Variants in TSC2 observed in about 807,000 individuals in gnomAD.
The protein encoded by TSC2 is tuberin.
Under a neutral mutation model 202.2 loss-of-function variants are expected in TSC2, and 29 were observed. The ratio of observed to expected loss-of-function variants is 0.14; its 90% CI spans 0.11 to 0.20. The LOEUF is 0.20. TSC2 is among the 10% of genes least tolerant of loss of function. The pLI is 1.00. For missense variants in TSC2, 2,429 were observed against 2,420.0 expected, an observed-to-expected ratio of 1.00 and a Z score of -0.08; for synonymous variants, 1,349 against 1,044.0, an observed-to-expected ratio of 1.29 and a Z score of -5.63.
At chr16:2,087,831 T>C (rs1274364431) in intron 38 of TSC2, 32 bp from the exon 39 acceptor site, 23 of 1,610,696 alleles carry the variant, frequency 1.4e-5, no homozygotes, top group Non-Finnish European at 1.8e-5. Context: ...ACACGCTGTG[T>C]GCGGGGATGA....
At chr16:2,063,169 C>T (rs1170676573) in intron 14 of TSC2, 116 bp downstream of exon 14, 12 of 1,265,540 alleles carry the variant, frequency 9.5e-6, no homozygotes, top group African/African-American at 1.5e-5. Flanking sequence ...TCGGTCCTGC[C>T]GGACCCTCTG....
intron 5 of TSC2, chr16:2,054,941 G>A (rs925248757): frequency 3.0e-6 from 1 of 330,490 alleles, no homozygotes; most frequent in African/African-American, 2.1e-5. Context: ...CCAGAAAAGG[G>A]CCTCAGTGGC....
intron 25 of TSC2, 25 bp from the exon 26 acceptor site, chr16:2,077,573 T>C (rs766532366): frequency 6.2e-7 from 1 of 1,612,320 alleles, no homozygotes; most frequent in Non-Finnish European, 8.5e-7. Flanking sequence ...CTCTGGGGCG[T>C]TGGGGCTCCT....
chr16:2,077,642 C>T lies in TSC2; in HGVS notation c.2882C>T (p.Pro961Leu), dbSNP rs370415754. The T allele has an allele frequency of 3.1e-6, 5 of 1,613,022 alleles. No individual in the cohort carries two copies. Among genetic ancestry groups the T allele is most frequent in the Non-Finnish European group, 4.2e-6 (5 of 1,180,028 alleles). The change falls in exon 26 of 42, where the codon CCA becomes CTA. Residue 961 changes from proline to leucine, a missense_variant. Transcript: ENST00000219476. ...CCCAAACAAGGCTTGAATAACTCTC[C>T]ACCCGTGAAAGAATTCAAGGAGAGC... ...RPPKQGLNNS[P>L]PVKEFKESSA...
At chr16:2,048,528 G>C in intron 1 of TSC2, 59 bp from the exon 2 acceptor site, 1 of 1,606,564 alleles carries the variant, frequency 6.2e-7, no homozygotes, top group African/African-American at 1.3e-5. Flanking sequence ...GAGGTCCGCA[G>C]TGGGGAAGGT....
chr16:2,087,099 AG>A, intron 38 of TSC2: 1 of 648,024 alleles, frequency 1.5e-6, no homozygotes, highest in Non-Finnish European at 2.6e-6. Context: ...GTAACTGGCA[AG>A]TGCAGACTGG....
At chr16:2,065,787 C>T in intron 16 of TSC2, 152 bp downstream of exon 16, 1 of 707,032 alleles carries the variant, frequency 1.4e-6, no homozygotes, top group Non-Finnish European at 2.5e-6. Context: ...GCAGCAGAAC[C>T]TTCCTCCTGC....
chr16:2,083,089 C>T (rs1395472396), intron 32 of TSC2: 5 of 454,896 alleles, frequency 1.1e-5, no homozygotes, highest in Admixed American at 4.7e-5. Context: ...TGGCTGACTG[C>T]GCGTGTGCAG....
At chr16:2,074,506 G>C (rs1442649148) in intron 22 of TSC2, 117 bp downstream of exon 22, 8 of 1,307,402 alleles carry the variant, frequency 6.1e-6, no homozygotes, top group Middle Eastern at 2.5e-4. Context: ...CTCGCCTTCT[G>C]CTGCCTCAGG....
At chr16:2,050,768 T>A (rs1335445868) in intron 3 of TSC2, among the ~76,000 whole-genome samples, 1 of 151,960 alleles carries the variant, frequency 6.6e-6, no homozygotes, top group African/African-American at 2.4e-5. Flanking sequence ...TTTGTATTTT[T>A]AGTAGAGACG....
intron 25 of TSC2, 145 bp downstream of exon 25, chr16:2,076,730 G>A: frequency 4.8e-6 from 4 of 839,556 alleles, no homozygotes; most frequent in Non-Finnish European, 7.5e-6. Flanking sequence ...GGACCTGCAA[G>A]GGCCGCTAAC....
At chr16:2,055,629 A>G in intron 6 of TSC2, 110 bp downstream of exon 6, 1 of 1,069,268 alleles carries the variant, frequency 9.4e-7, no homozygotes, top group Admixed American at 1.7e-5. Context: ...ACAATGGCTC[A>G]CGCCTGTAAT....
At position 2,088,609 on chromosome 16, in the gene TSC2, G is replaced by A. The variant is rs762120606; in HGVS notation, c.5423G>A (p.Ter1808=). 6.2e-6 allele frequency: 10 copies of A among 1,602,266 alleles called. No individual in the cohort carries two copies. Among genetic ancestry groups the A allele is most frequent in the Non-Finnish European group, 8.5e-6 (10 of 1,179,466 alleles). The change falls in exon 42 of 42, where the codon TGA becomes TAA. Residue 1808 remains the stop codon, a stop_retained_variant. Coordinates refer to ENST00000219476, the MANE Select transcript of TSC2 (RefSeq NM_000548.5). ...SSVEDFTEFV[*] ...GTGGAGGACTTCACCGAGTTTGTGT[G>A]AGGCCGGGGCCCTCCCTCCTGCACT...
Position 2,089,341 on chromosome 16 carries a change from A to T in TSC2, c.*731A>T. On this transcript the variant is annotated 3_prime_UTR_variant, in exon 42 of 42. Coordinates refer to ENST00000219476, the MANE Select transcript of TSC2 (RefSeq NM_000548.5). ...TACGGTAGGAACTGGAGAGGTAATAACTTAGGGGCAGGGTGGCGGCGGTGC... is the reference window on the plus strand; with the variant it reads ...TACGGTAGGAACTGGAGAGGTAATATCTTAGGGGCAGGGTGGCGGCGGTGC... 3.1e-6 allele frequency: 1 copy of T among 327,856 alleles called. No homozygotes were observed. Among genetic ancestry groups the T allele is most frequent in the East Asian group, 6.2e-5 (1 of 16,230 alleles). The allele number at this position is 327,856 out of a possible 1,614,324, so 20.3% of individuals were successfully genotyped here.
At chr16:2,067,826 G>A (rs550313210) in intron 16 of TSC2, among the ~76,000 whole-genome samples, 1 of 152,306 alleles carries the variant, frequency 6.6e-6, no homozygotes, top group Admixed American at 6.5e-5. Flanking sequence ...ATCCACATGA[G>A]CACCATGCTC....
Position 2,084,393 on chromosome 16 carries a change from C to T in TSC2, c.4171C>T (p.Leu1391=), listed in dbSNP as rs1483287924. ...PLSKSSSSPE[L]QTLQDILGDP... ...GAGCAAGTCCAGCTCCTCTCCCGAG[C>T]TGCAGACTCTGCAGGACATCCTCGG... The change falls in exon 34 of 42, where the codon CTG becomes TTG. Residue 1391 remains leucine (L), a synonymous_variant. Transcript: ENST00000219476. 6.2e-7 allele frequency: 1 copy of T among 1,612,182 alleles called. No homozygotes were observed. Among genetic ancestry groups the T allele is most frequent in the African/African-American group, 1.3e-5 (1 of 75,052 alleles).
rs902572213 is a variant in TSC2, at chr16:2,088,761, G to T, written c.*151G>T. 46 of 1,112,990 alleles carry T rather than the reference G, an allele frequency of 4.1e-5. No homozygotes were observed. The South Asian group carries it at 7.2e-4, about 17-fold the overall frequency. 68.9% of individuals were successfully genotyped at this position (1,112,990 alleles called of 1,614,324 possible). A position where few individuals can be genotyped will look rare whatever the true frequency, so the allele number is the denominator to read the frequency against. ...TTGTCTGCTTGGTGCGGGGGTTGGGGGGGTGTCGAGGCTCTAGAAGCGGCC... is the reference window on the plus strand; with the variant it reads ...TTGTCTGCTTGGTGCGGGGGTTGGGTGGGTGTCGAGGCTCTAGAAGCGGCC... On this transcript the variant is annotated 3_prime_UTR_variant, in exon 42 of 42. Coordinates refer to ENST00000219476, the MANE Select transcript of TSC2 (RefSeq NM_000548.5).
chr16:2,062,709 C>T, intron 13 of TSC2, 109 bp downstream of exon 13: 1 of 1,232,110 alleles, frequency 8.1e-7, no homozygotes, highest in Non-Finnish European at 1.2e-6. Context: ...GCCCTCCCCT[C>T]TGCCTCTGGA....
chr16:2,060,933 T>G, intron 11 of TSC2, 120 bp downstream of exon 11: 4 of 1,278,328 alleles, frequency 3.1e-6, no homozygotes, highest in Non-Finnish European at 4.4e-6. Flanking sequence ...GCCAGAACCG[T>G]GTTCTCTGGT....
Sources: allele counts gnomAD v4.1 joint callset (sites outside exome capture counted in the v4.1 genomes callset), GRCh38; gene constraint gnomAD v4.1.1; transcripts MANE v1.5; gene names NCBI Gene and HGNC (gene_info 2026-07-23, HGNC 2026-07-21).